The following ARHGAP26 variants were observed in gnomAD, a reference collection of about 807,000 sequenced individuals.
ARHGAP26 encodes rho GTPase-activating protein 26.
ARHGAP26 carries 38 observed loss-of-function variants against 104.8 expected under a neutral mutation model. The ratio of observed to expected loss-of-function variants is 0.36; its 90% CI spans 0.28 to 0.48. The LOEUF (loss-of-function observed/expected upper bound fraction) is 0.48, where lower values mean the gene tolerates loss of function less well. ARHGAP26 is among the 20% of genes least tolerant of loss of function. ARHGAP26 has a pLI of 0.99. For missense variants in ARHGAP26, 704 were observed against 947.9 expected, an observed-to-expected ratio of 0.74 and a Z score of 3.38; for synonymous variants, 341 against 340.0, an observed-to-expected ratio of 1.00 and a Z score of -0.03.
At chr5:142,927,790 A>G (rs1222367229) in intron 10 of ARHGAP26, among the ~76,000 whole-genome samples, 2 of 152,202 alleles carry the variant, frequency 1.3e-5, no homozygotes, top group Admixed American at 6.5e-5. Flanking sequence ...GCAATGTATG[A>G]GAGTCCCAGT....
At chr5:142,943,959 C>T (rs558257513) in intron 11 of ARHGAP26, among the ~76,000 whole-genome samples, 25 of 152,242 alleles carry the variant, frequency 1.6e-4, no homozygotes, top group Admixed American at 5.2e-4. Flanking sequence ...TCATAATGCA[C>T]GTTAATTTTG....
At chr5:142,777,180 A>G (rs895827217) in intron 1 of ARHGAP26, among the ~76,000 whole-genome samples, 3 of 152,136 alleles carry the variant, frequency 2.0e-5, no homozygotes, top group African/African-American at 4.8e-5. Context: ...TTTGGGGACT[A>G]TTTGTTTCCA....
intron 1 of ARHGAP26, among the ~76,000 whole-genome samples, chr5:142,833,641 T>A: frequency 6.6e-6 from 1 of 152,196 alleles, no homozygotes; most frequent in African/African-American, 2.4e-5. Flanking sequence ...GGGGACATCC[T>A]ACCTACCGCT....
chr5:143,006,316 C>CTGT lies in ARHGAP26; in HGVS notation c.1108-7763_1108-7762insGTT, dbSNP rs772059084. ...ACCAACTCCACCTTTAGTGTTTTTT[C>CTGT]TTTTTTTTTTTTTTTTTTTTTTAAT... On this transcript the variant is annotated intron_variant, in intron 11 of 22. Transcript: ENST00000645722. Among the ~76,000 whole-genome samples, 377 of 112,814 alleles carry CTGT rather than the reference C, an allele frequency of 3.3e-3. 14 individuals carry two copies. The East Asian group carries it at 0.066, about 20-fold the overall frequency. 74.0% of individuals were successfully genotyped at this position (112,814 alleles called of 152,430 possible).
intron 11 of ARHGAP26, among the ~76,000 whole-genome samples, chr5:142,983,853 G>A (rs1009048740): frequency 6.6e-6 from 1 of 152,040 alleles, no homozygotes; most frequent in Non-Finnish European, 1.5e-5. Flanking sequence ...TCCCTTTCCA[G>A]GTATTGTACT....
intron 11 of ARHGAP26, among the ~76,000 whole-genome samples, chr5:143,012,576 T>TATATATATATATATATATATATATAA (rs1554195628): frequency 3.5e-5 from 2 of 57,032 alleles, no homozygotes; most frequent in African/African-American, 9.1e-5. Context: ...TATATATATA[T>TATATATATATATATATATATATATAA]TATGATCAGG....
intron 10 of ARHGAP26, chr5:142,919,492 A>C (rs1562080541): frequency 1.3e-5 from 5 of 398,068 alleles, no homozygotes; most frequent in Middle Eastern, 6.3e-4. Flanking sequence ...AAATGAACGC[A>C]GTTTGAATAG....
chr5:143,055,553 G>T (rs1013191462), intron 15 of ARHGAP26, among the ~76,000 whole-genome samples: 1 of 152,090 alleles, frequency 6.6e-6, no homozygotes, highest in South Asian at 2.1e-4. Flanking sequence ...TAATGTTAGG[G>T]GTTCTAGCAT....
At chr5:142,894,754 A>G (rs1759229384) in intron 6 of ARHGAP26, among the ~76,000 whole-genome samples, 1 of 152,214 alleles carries the variant, frequency 6.6e-6, no homozygotes. Flanking sequence ...TCACCCAAAG[A>G]CATAGTACAT....
chr5:142,935,796 A>G (rs1261972344), intron 11 of ARHGAP26, among the ~76,000 whole-genome samples: 1 of 152,174 alleles, frequency 6.6e-6, no homozygotes, highest in African/African-American at 2.4e-5. Flanking sequence ...CACAGTTTCT[A>G]CTTACTCTCA....
chr5:142,957,478 T>C (rs1053412588), intron 11 of ARHGAP26, among the ~76,000 whole-genome samples: 1 of 152,206 alleles, frequency 6.6e-6, no homozygotes, highest in Admixed American at 6.5e-5. Flanking sequence ...TTGGTCCTCA[T>C]GTTAGGGGAT....
intron 11 of ARHGAP26, among the ~76,000 whole-genome samples, chr5:142,989,940 G>A (rs989276290): frequency 1.3e-5 from 2 of 151,200 alleles, no homozygotes; most frequent in Admixed American, 6.6e-5. Flanking sequence ...TCTTGGAGTC[G>A]CTTTTCTCGA....
At chr5:143,118,291 A>G (rs1342052230) in intron 17 of ARHGAP26, among the ~76,000 whole-genome samples, 1 of 152,200 alleles carries the variant, frequency 6.6e-6, no homozygotes, top group Non-Finnish European at 1.5e-5. Flanking sequence ...AATCTGTACA[A>G]CATTCACATG....
chr5:143,077,193 C>G (rs1370479563), intron 17 of ARHGAP26, among the ~76,000 whole-genome samples: 1 of 152,086 alleles, frequency 6.6e-6, no homozygotes, highest in Non-Finnish European at 1.5e-5. Context: ...TATGTGGGCG[C>G]CAGTATTTCC....
intron 12 of ARHGAP26, among the ~76,000 whole-genome samples, chr5:143,018,807 G>A (rs953749561): frequency 1.3e-5 from 2 of 152,110 alleles, no homozygotes; most frequent in South Asian, 2.1e-4. Context: ...TTTGACTTGG[G>A]TATTTATGAG....
chr5:142,774,556 T>C (rs985631528), intron 1 of ARHGAP26, among the ~76,000 whole-genome samples: 2 of 152,216 alleles, frequency 1.3e-5, no homozygotes, highest in African/African-American at 2.4e-5. Flanking sequence ...ACAGTTGTTA[T>C]AGTTGATGAA....
At chr5:143,154,333 C>T (rs1051892762) in intron 20 of ARHGAP26, among the ~76,000 whole-genome samples, 14 of 152,202 alleles carry the variant, frequency 9.2e-5, no homozygotes, top group African/African-American at 3.4e-4. Context: ...GTGACTTTAG[C>T]TCTCTGTACC....
At chr5:143,095,610 T>C (rs1792178573) in intron 17 of ARHGAP26, among the ~76,000 whole-genome samples, 1 of 152,212 alleles carries the variant, frequency 6.6e-6, no homozygotes, top group Non-Finnish European at 1.5e-5. Flanking sequence ...TCTTTTTTTC[T>C]CAGGCTGGAG....
Position 142,812,463 on chromosome 5 carries a change from G to A in ARHGAP26, c.154+41548G>A, listed in dbSNP as rs76149280. 5.9e-5 allele frequency among the ~76,000 whole-genome samples: 9 copies of A among 151,876 alleles called. No homozygotes were observed. In the East Asian group the frequency reaches 1.2e-3, roughly 20 times the overall value. On this transcript the variant is annotated intron_variant, in intron 1 of 22. Transcript: ENST00000645722. The stretch of plus-strand genomic sequence containing the variant: ...AGCAATTCTCGTGCCTCAGCCACCC[G>A]AGTAGCTGGGATTACAGGTGTGCGC...
Sources: gnomAD v4.1 joint callset for allele counts (sites outside exome capture counted in the v4.1 genomes callset) on GRCh38, gnomAD v4.1.1 for gene constraint, MANE v1.5 for transcripts, NCBI Gene and HGNC (gene_info 2026-07-23, HGNC 2026-07-21) for gene names.